PCDHGB7: variants seen among roughly 807,000 people sequenced by gnomAD.
PCDHGB7 encodes the protein protocadherin gamma-B7.
A neutral mutation model predicts 61.4 loss-of-function variants in PCDHGB7; 37 were observed. That is an observed-to-expected ratio of 0.60 (90% CI 0.46 to 0.79). PCDHGB7 has a LOEUF of 0.79. Among genes scored for constraint, PCDHGB7 ranks in the 30% least tolerant of loss-of-function variants. PCDHGB7 has a pLI of 0.00. For missense variants in PCDHGB7, 1,166 were observed against 1,202.5 expected, an observed-to-expected ratio of 0.97 and a Z score of 0.45; for synonymous variants, 464 against 503.5, an observed-to-expected ratio of 0.92 and a Z score of 1.05.
intron 2 of PCDHGB7, among the ~76,000 whole-genome samples, chr5:141,502,866 C>CTCTTTTTTT (rs1554188502): frequency 7.8e-6 from 1 of 128,046 alleles, no homozygotes; most frequent in African/African-American, 3.1e-5. Context: ...GACTCTCTGT[C>CTCTTTTTTT]TTTTTTTTTT....
In PCDHGB7 at chr5:141,511,125, A is replaced by T. The variant is rs755685600; in HGVS notation, c.2742A>T (p.Ala914=). Residue 914 remains alanine, a synonymous_variant, in exon 4 of 4, where the codon GCA becomes GCT. Transcript: ENST00000398594. ...GCAAGCGGGATGGCAAGGCCCCAGCAGGTGGCAATGGCAACAAGAAGAAGT... is the reference window on the plus strand; with the variant it reads ...GCAAGCGGGATGGCAAGGCCCCAGCTGGTGGCAATGGCAACAAGAAGAAGT... ...AAGKRDGKAP[A]GGNGNKKKSG... 2 of 1,614,216 alleles carry T rather than the reference A, an allele frequency of 1.2e-6. No individual in the cohort carries two copies. The highest frequency in any genetic ancestry group is 2.2e-5 in the South Asian group (2 of 91,092).
At chr5:141,472,980 C>CAAAAAAAAAAAAAAAAAAA (rs60579131) in intron 1 of PCDHGB7, among the ~76,000 whole-genome samples, 6 of 86,104 alleles carry the variant, frequency 7.0e-5, no homozygotes, top group African/African-American at 1.2e-4. Context: ...GAGTGAAACT[C>CAAAAAAAAAAAAAAAAAAA]AAAAAAAAAA....
intron 1 of PCDHGB7, among the ~76,000 whole-genome samples, chr5:141,457,900 A>C (rs2098931922): frequency 6.7e-6 from 1 of 149,818 alleles, no homozygotes; most frequent in Admixed American, 6.6e-5. Context: ...CTGTGTAGAC[A>C]AGGTGTGAGG....
At position 141,486,641 on chromosome 5, in the gene PCDHGB7, A is replaced by C; in HGVS notation, c.2416-8166A>C. On this transcript the variant is annotated intron_variant, in intron 1 of 3. Transcript: ENST00000398594. The surrounding 1 kb of genome is among the most constrained non-coding windows in gnomAD (Gnocchi z 5.0). ...CCCAGACTCTGGCTTGAATGCGCTTATCTCCTACTCACTCCTGGAGCCCAG... is the reference window on the plus strand; with the variant it reads ...CCCAGACTCTGGCTTGAATGCGCTTCTCTCCTACTCACTCCTGGAGCCCAG... 6.2e-7 allele frequency: 1 copy of C among 1,613,734 alleles called. No individual in the cohort carries two copies. The highest frequency in any genetic ancestry group is 1.6e-4 in the Middle Eastern group (1 of 6,062).
intron 1 of PCDHGB7, among the ~76,000 whole-genome samples, chr5:141,465,279 C>T (rs975247599): frequency 3.3e-5 from 5 of 152,028 alleles, no homozygotes; most frequent in South Asian, 2.1e-4. Flanking sequence ...TTTAGTTCAC[C>T]CCTAAAGAAC....
Position 141,490,162 on chromosome 5 carries a change from A to C in PCDHGB7, c.2416-4645A>C. ...TGGGGCAATCCATGTGTTGGGTCCC[A>C]TAGACTTTGAGGAGTCACGTTTCTA... On this transcript the variant is annotated intron_variant, in intron 1 of 3. Coordinates refer to ENST00000398594, the MANE Select transcript of PCDHGB7 (RefSeq NM_018927.4). The surrounding 1 kb of genome is among the most constrained non-coding windows in gnomAD (Gnocchi z 5.4). The C allele has an allele frequency of 6.2e-7, 1 of 1,614,218 alleles. No individual in the cohort carries two copies. The highest frequency in any genetic ancestry group is 8.5e-7 in the Non-Finnish European group (1 of 1,180,028).
intron 1 of PCDHGB7, among the ~76,000 whole-genome samples, chr5:141,450,088 C>T (rs1358812478): frequency 1.3e-5 from 2 of 148,484 alleles, no homozygotes; most frequent in East Asian, 2.0e-4. Context: ...CTCACTGCAA[C>T]CTCCGCCTCC....
At chr5:141,420,334 T>A in intron 1 of PCDHGB7, 60 bp downstream of exon 1, 1 of 1,402,910 alleles carries the variant, frequency 7.1e-7, no homozygotes, top group Non-Finnish European at 9.5e-7. Context: ...TATATTCCAA[T>A]ATAGTGGTAT....
At chr5:141,473,169 C>T (rs141382764) in intron 1 of PCDHGB7, among the ~76,000 whole-genome samples, 2 of 152,286 alleles carry the variant, frequency 1.3e-5, no homozygotes, top group East Asian at 3.9e-4. Context: ...GGAAGGCCCA[C>T]TGGTAACTTG....
chr5:141,511,730 T>C lies in PCDHGB7; in HGVS notation c.*557T>C, dbSNP rs772107999. 5.1e-5 allele frequency: 9 copies of C among 177,790 alleles called. No homozygotes were observed. The highest frequency in any genetic ancestry group is 5.3e-5 in the Admixed American group (1 of 18,706). The allele number at this position is 177,790 out of a possible 1,614,324, so 11.0% of individuals were successfully genotyped here. On this transcript the variant is annotated 3_prime_UTR_variant, in exon 4 of 4. Transcript: ENST00000398594. ...ACCTCCTTCCAGAGCCCAAGATCAA[T>C]GCTCAAGTTTTGGAGGACATGATCA...
In PCDHGB7 at chr5:141,418,455, C is replaced by G. The variant is rs1287627325; in HGVS notation, c.596C>G (p.Thr199Ser). The change falls in exon 1 of 4, where the codon ACT becomes AGT. Residue 199 changes from threonine to serine, a missense_variant. Coordinates refer to ENST00000398594, the MANE Select transcript of PCDHGB7 (RefSeq NM_018927.4). ...GKYPELVLQK[T>S]LDRETQSAHH... ...TATCCAGAATTAGTATTGCAGAAGA[C>G]TCTGGACCGAGAAACGCAGAGCGCT... is the stretch of plus-strand genomic sequence containing the variant. The G allele has an allele frequency of 1.9e-6, 3 of 1,613,990 alleles. No individual in the cohort carries two copies. Among genetic ancestry groups the G allele is most frequent in the Non-Finnish European group, 2.5e-6 (3 of 1,179,878 alleles).
Position 141,423,358 on chromosome 5 carries a change from G to A in PCDHGB7, c.2415+3084G>A, listed in dbSNP as rs202010010. The A allele has an allele frequency of 2.3e-4, 371 of 1,614,078 alleles. 1 individual carries two copies. The highest frequency in any genetic ancestry group is 2.8e-4 in the Non-Finnish European group (334 of 1,180,024). ...CTGCATCTTCCTGGTCTTTGTCATC[G>A]TGCTGCTGGCACTCAGGCTGTGGCG... On this transcript the variant is annotated intron_variant, in intron 1 of 3. Coordinates refer to ENST00000398594, the MANE Select transcript of PCDHGB7 (RefSeq NM_018927.4).
chr5:141,423,141 G>C, intron 1 of PCDHGB7: 1 of 1,613,580 alleles, frequency 6.2e-7, no homozygotes, highest in Non-Finnish European at 8.5e-7. Flanking sequence ...ACAGAGACGC[G>C]CTCAAGCAGA....
chr5:141,439,211 A>G (rs1438403213), intron 1 of PCDHGB7, among the ~76,000 whole-genome samples: 1 of 151,666 alleles, frequency 6.6e-6, no homozygotes, highest in Non-Finnish European at 1.5e-5. Flanking sequence ...AAAAATCCAT[A>G]TGTGAAAATT....
At chr5:141,452,554 G>A (rs2098744143) in intron 1 of PCDHGB7, among the ~76,000 whole-genome samples, 1 of 152,140 alleles carries the variant, frequency 6.6e-6, no homozygotes, top group Admixed American at 6.5e-5. Context: ...TCCAGTTCTG[G>A]TTCTTCCTAG....
At position 141,487,991 on chromosome 5, in the gene PCDHGB7, G is replaced by C. The variant is rs932744807; in HGVS notation, c.2416-6816G>C. ...GCTGTTTTCTCTACTCTTCCTGAAA[G>C]AGGGGATCAGATTCTGAAGTACCTT... On this transcript the variant is annotated intron_variant, in intron 1 of 3. Coordinates refer to ENST00000398594, the MANE Select transcript of PCDHGB7 (RefSeq NM_018927.4). The surrounding 1 kb of genome is among the most constrained non-coding windows in gnomAD (Gnocchi z 5.0). 2.6e-5 allele frequency among the ~76,000 whole-genome samples: 4 copies of C among 152,194 alleles called. No homozygotes were observed. The highest frequency in any genetic ancestry group is 4.4e-5 in the Non-Finnish European group (3 of 68,030).
Position 141,486,274 on chromosome 5 carries a change from T to A in PCDHGB7, c.2416-8533T>A. On this transcript the variant is annotated intron_variant, in intron 1 of 3. Coordinates refer to ENST00000398594, the MANE Select transcript of PCDHGB7 (RefSeq NM_018927.4). The surrounding 1 kb of genome is among the most constrained non-coding windows in gnomAD (Gnocchi z 5.0). ...TCCCCGAGAGTGCAGAACCTGGCAC[T>A]GTGGTGGCACTTATCAGTGTGCAGG... is the stretch of plus-strand genomic sequence containing the variant. 5 of 1,614,064 alleles carry A rather than the reference T, an allele frequency of 3.1e-6. No homozygotes were observed. The highest frequency in any genetic ancestry group is 4.2e-6 in the Non-Finnish European group (5 of 1,179,998).
intron 1 of PCDHGB7, chr5:141,479,563 G>A (rs1469231382): frequency 2.6e-5 from 4 of 152,206 alleles, no homozygotes; most frequent in Admixed American, 2.0e-4. Context: ...ATCCAGTAGT[G>A]GGATGACATC....
chr5:141,419,262 G>C lies in PCDHGB7; in HGVS notation c.1403G>C (p.Gly468Ala). The change falls in exon 1 of 4, where the codon GGT (glycine) becomes GCT (alanine). Residue 468 changes from glycine to alanine, a missense_variant. Transcript: ENST00000398594. ...CACGTGCCAGAAAACAACCAGCCGGGTGCCTCCATAGCGCAAGTCAGTGCC... is the reference window on the plus strand; with the variant it reads ...CACGTGCCAGAAAACAACCAGCCGGCTGCCTCCATAGCGCAAGTCAGTGCC... ...LVHVPENNQP[G>A]ASIAQVSASD... The C allele has an allele frequency of 1.9e-6, 3 of 1,614,014 alleles. No individual in the cohort carries two copies. Among genetic ancestry groups the C allele is most frequent in the Non-Finnish European group, 2.5e-6 (3 of 1,179,894 alleles).
Sources: gnomAD v4.1 joint callset for allele counts (sites outside exome capture counted in the v4.1 genomes callset) on GRCh38, gnomAD v4.1.1 for gene constraint, Gnocchi (gnomAD v3.1) non-coding constraint, MANE v1.5 for transcripts, NCBI Gene and HGNC (gene_info 2026-07-23, HGNC 2026-07-21) for gene names.